Variants in GALK2 observed in about 807,000 individuals in gnomAD.
GALK2 encodes the protein N-acetylgalactosamine kinase.
A neutral mutation model predicts 52.4 loss-of-function variants in GALK2; 36 were observed. The ratio of observed to expected loss-of-function variants is 0.69; its 90% confidence interval spans 0.53 to 0.91. The LOEUF (loss-of-function observed/expected upper bound fraction) is 0.91. GALK2 is among the 40% of genes least tolerant of loss of function. The pLI is 0.00. For synonymous variants in GALK2, 176 were observed against 199.1 expected, an observed-to-expected ratio of 0.88 and a Z score of 0.98; for missense variants, 579 against 559.1, an observed-to-expected ratio of 1.04 and a Z score of -0.36.
intron 1 of GALK2, among the ~76,000 whole-genome samples, chr15:49,182,660 C>CT (rs944308389): frequency 7.2e-5 from 11 of 151,954 alleles, no homozygotes; most frequent in East Asian, 1.9e-4. Context: ...TTGCTATTAT[C>CT]TTTTTTTTGG....
chr15:49,192,489 A>ATATATG (rs1285630529), intron 1 of GALK2, among the ~76,000 whole-genome samples: 681 of 23,666 alleles, frequency 0.029, 4 homozygotes, highest in Middle Eastern at 0.088. Flanking sequence ...ATATATGTAT[A>ATATATG]TATATATATA....
At chr15:49,255,097 A>G (rs2091760262) in intron 5 of GALK2, among the ~76,000 whole-genome samples, 1 of 143,594 alleles carries the variant, frequency 7.0e-6, no homozygotes, top group Admixed American at 7.1e-5. Flanking sequence ...ATGCCACACT[A>G]TATCATTGGA....
chr15:49,292,943 A>G (rs568736013), intron 8 of GALK2, among the ~76,000 whole-genome samples: 1 of 152,172 alleles, frequency 6.6e-6, no homozygotes, highest in East Asian at 1.9e-4. Flanking sequence ...GGCCTACTTT[A>G]GTGTGGAAGC....
intron 8 of GALK2, among the ~76,000 whole-genome samples, chr15:49,301,608 A>G (rs1296881787): frequency 6.6e-6 from 1 of 151,914 alleles, no homozygotes. Flanking sequence ...AGTAGAGAGA[A>G]TGGGTCAGTT....
chr15:49,302,413 G>A (rs2035190254), intron 8 of GALK2, among the ~76,000 whole-genome samples: 1 of 152,064 alleles, frequency 6.6e-6, no homozygotes, highest in East Asian at 1.9e-4. Context: ...AACTCAACTT[G>A]GCCATAATAT....
At position 49,328,777 on chromosome 15, in the gene GALK2, T is replaced by C; in HGVS notation, c.*618T>C. Reference sequence around the variant, plus strand: ...TCCAGTTATCAAGAGACTAAGGATTTTTTTTTTTTTTTGACAAAAGGAGGA... The same window carrying C: ...TCCAGTTATCAAGAGACTAAGGATTCTTTTTTTTTTTTGACAAAAGGAGGA... On this transcript the variant is annotated 3_prime_UTR_variant, in exon 10 of 10. Coordinates refer to ENST00000560031, the MANE Select transcript of GALK2 (RefSeq NM_002044.4). The C allele has an allele frequency of 1.0e-6, 1 of 962,378 alleles. No homozygotes were observed. 59.6% of individuals were successfully genotyped at this position (962,378 alleles called of 1,614,324 possible).
intron 3 of GALK2, chr15:49,366,715 G>T: frequency 8.0e-7 from 1 of 1,247,756 alleles, no homozygotes; most frequent in Non-Finnish European, 1.2e-6. Flanking sequence ...GGGGTGGCGC[G>T]GCGCGGCTCA....
chr15:49,195,334 G>A (rs1049531309), intron 1 of GALK2: 4 of 236,514 alleles, frequency 1.7e-5, no homozygotes, highest in South Asian at 1.2e-4. Context: ...GCCTCCCAAA[G>A]TGCTGGGATT....
chr15:49,184,146 TC>T (rs1300256155), intron 1 of GALK2, among the ~76,000 whole-genome samples: 1 of 152,156 alleles, frequency 6.6e-6, no homozygotes, highest in African/African-American at 2.4e-5. Flanking sequence ...ATTTGGATGC[TC>T]CAGTATAAGG....
In GALK2 at chr15:49,341,229, A is replaced by AT. The variant is rs532528976; in HGVS notation, c.426+21432dup. Among the ~76,000 whole-genome samples, 671 of 151,736 alleles carry AT rather than the reference A, an allele frequency of 4.4e-3. 2 individuals carry two copies. The highest frequency in any genetic ancestry group is 6.3e-3 in the Non-Finnish European group (427 of 67,884). ...TTCAGCTTTGTTCTTTTTGCTTAGG[A>AT]TTTTTTTTGGCTATTTGGGCTGTTT... On this transcript the variant is annotated intron_variant, in intron 3 of 3. Transcript: ENST00000558399.
chr15:49,179,645 T>C (rs1289127242), intron 1 of GALK2, among the ~76,000 whole-genome samples: 1 of 132,770 alleles, frequency 7.5e-6, no homozygotes, highest in Non-Finnish European at 1.6e-5. Flanking sequence ...TTTTTCTTTG[T>C]TTCTTTCTTT....
At chr15:49,162,036 A>G (rs2084668397) in intron 1 of GALK2, among the ~76,000 whole-genome samples, 1 of 152,218 alleles carries the variant, frequency 6.6e-6, no homozygotes, top group Non-Finnish European at 1.5e-5. Flanking sequence ...ATAAAATTTA[A>G]TGAACTTTGA....
At chr15:49,191,252 T>C (rs2086701717) in intron 1 of GALK2, among the ~76,000 whole-genome samples, 1 of 152,166 alleles carries the variant, frequency 6.6e-6, no homozygotes, top group African/African-American at 2.4e-5. Context: ...GGTTACTTTT[T>C]GTTGTTAAAG....
chr15:49,276,546 T>A (rs999028944), intron 5 of GALK2, among the ~76,000 whole-genome samples: 3 of 152,204 alleles, frequency 2.0e-5, no homozygotes, highest in African/African-American at 7.2e-5. Flanking sequence ...AGGTATGGAG[T>A]ATTGATTCAG....
chr15:49,295,485 A>C (rs533079560), intron 8 of GALK2, among the ~76,000 whole-genome samples: 198 of 152,254 alleles, frequency 1.3e-3, no homozygotes, highest in African/African-American at 4.3e-3. Flanking sequence ...AAAGGTGAGA[A>C]AGTCTTAATA....
chr15:49,273,109 T>C (rs975117965), intron 5 of GALK2, among the ~76,000 whole-genome samples: 1 of 152,192 alleles, frequency 6.6e-6, no homozygotes, highest in Non-Finnish European at 1.5e-5. Flanking sequence ...TGATACACAC[T>C]TTCTGAGCCC....
chr15:49,272,599 T>G (rs2030872957), intron 5 of GALK2, among the ~76,000 whole-genome samples: 1 of 152,184 alleles, frequency 6.6e-6, no homozygotes, highest in Admixed American at 6.5e-5. Flanking sequence ...CCTTTGCATC[T>G]CATTATTACC....
intron 1 of GALK2, chr15:49,198,781 C>T (rs1183531443): frequency 6.6e-6 from 1 of 151,244 alleles, no homozygotes; most frequent in African/African-American, 2.4e-5. Context: ...TTTGGTGGCT[C>T]CCTTCTTTTC....
exon 1 of GALK2, chr15:49,155,924 C>T: frequency 6.5e-7 from 1 of 1,533,996 alleles, no homozygotes; most frequent in Non-Finnish European, 9.0e-7. Context: ...GCTTGGGACT[C>T]TGGACGCATC....
Sources: allele counts gnomAD v4.1 joint callset (sites outside exome capture counted in the v4.1 genomes callset), GRCh38; gene constraint gnomAD v4.1.1; transcripts MANE v1.5; gene names NCBI Gene and HGNC (gene_info 2026-07-23, HGNC 2026-07-21).